The following SLC20A2 variants were observed in gnomAD, a reference collection of about 807,000 sequenced individuals.
The protein encoded by SLC20A2 is solute carrier family 20 member 2.
Under a neutral mutation model 61.0 loss-of-function variants are expected in SLC20A2, and 30 were observed. That is an observed-to-expected ratio of 0.49 (90% CI 0.37 to 0.67). The LOEUF (loss-of-function observed/expected upper bound fraction) is 0.67, where lower values mean the gene tolerates loss of function less well. Ranked by LOEUF, SLC20A2 falls within the 30% of genes least tolerant of loss-of-function variation. SLC20A2 has a pLI of 0.00. For missense variants in SLC20A2, 626 were observed against 866.4 expected (o/e 0.72, Z 3.48); for synonymous variants, 351 against 353.3 (o/e 0.99, Z 0.07).
chr8:42,533,922 C>A (rs1040753020), intron 1 of SLC20A2, among the ~76,000 whole-genome samples: 5 of 149,250 alleles, frequency 3.4e-5, no homozygotes, highest in African/African-American at 1.2e-4. Context: ...CCTCTCACGC[C>A]ACCATGCCCG....
chr8:42,467,179 T>G (rs895438504), intron 2 of SLC20A2, among the ~76,000 whole-genome samples: 1 of 152,184 alleles, frequency 6.6e-6, no homozygotes, highest in African/African-American at 2.4e-5. Context: ...TAACCCAAAT[T>G]TGGGCATCTG....
intron 1 of SLC20A2, among the ~76,000 whole-genome samples, chr8:42,475,818 G>C (rs961485563): frequency 6.6e-6 from 1 of 151,740 alleles, no homozygotes; most frequent in African/African-American, 2.4e-5. Flanking sequence ...ATGAGATGAG[G>C]CATCCGGGAC....
intron 5 of SLC20A2, among the ~76,000 whole-genome samples, chr8:42,447,862 C>G (rs993060526): frequency 1.4e-4 from 21 of 152,198 alleles, no homozygotes; most frequent in African/African-American, 4.6e-4. Flanking sequence ...TCCCATCCCC[C>G]TGACTACATC....
chr8:42,501,413 G>A (rs1350526671), upstream of SLC20A2: 3 of 152,238 alleles, frequency 2.0e-5, no homozygotes, highest in Non-Finnish European at 4.4e-5. Context: ...CTGACAAAGA[G>A]AAGGAGTAAG....
chr8:42,435,984 G>A (rs1804218075), intron 8 of SLC20A2, among the ~76,000 whole-genome samples: 1 of 152,046 alleles, frequency 6.6e-6, no homozygotes, highest in Non-Finnish European at 1.5e-5. Context: ...GGCCAGGTTG[G>A]GGAGCCTGTA....
chr8:42,507,282 C>T (rs930912647), intron 1 of SLC20A2, among the ~76,000 whole-genome samples: 8 of 151,942 alleles, frequency 5.3e-5, no homozygotes, highest in African/African-American at 1.9e-4. Flanking sequence ...TGATCCACAG[C>T]GATGCAGTCT....
intron 2 of SLC20A2, among the ~76,000 whole-genome samples, chr8:42,466,374 T>C (rs570109297): frequency 3.3e-5 from 5 of 152,228 alleles, no homozygotes; most frequent in Admixed American, 3.3e-4. Flanking sequence ...GCGTGAGGCA[T>C]TGTGTCCGGC....
intron 1 of SLC20A2, among the ~76,000 whole-genome samples, chr8:42,523,633 T>C (rs780526009): frequency 5.9e-5 from 9 of 152,248 alleles, no homozygotes; most frequent in Non-Finnish European, 7.3e-5. Flanking sequence ...GAATAAGCAC[T>C]GTCCATTCTG....
At position 42,516,485 on chromosome 8, in the gene SLC20A2, G is replaced by A. The variant is rs190477827; in HGVS notation, c.-265+25336C>T. Among the ~76,000 whole-genome samples, 100 of 152,284 alleles carry A rather than the reference G, an allele frequency of 6.6e-4. No individual in the cohort carries two copies. The Middle Eastern group carries it at 0.017, about 26-fold the overall frequency. ...GGGTTCCCCAACCTGGGAGGTCATTGCTCTCTAGGGCAGCGCATCCTATTG... is the reference window on the plus strand; with the variant it reads ...GGGTTCCCCAACCTGGGAGGTCATTACTCTCTAGGGCAGCGCATCCTATTG... On this transcript the variant is annotated intron_variant, in intron 1 of 10. Coordinates refer to the SLC20A2 transcript ENST00000342228.
chr8:42,486,711 C>G (rs958005549), intron 1 of SLC20A2, among the ~76,000 whole-genome samples: 1 of 152,184 alleles, frequency 6.6e-6, no homozygotes, highest in African/African-American at 2.4e-5. Context: ...AGTCACTTCT[C>G]TCTTGTGGGT....
At chr8:42,430,329 T>G in intron 8 of SLC20A2, 80 bp from the exon 9 acceptor site, 1 of 1,196,270 alleles carries the variant, frequency 8.4e-7, no homozygotes, top group Non-Finnish European at 1.2e-6. Flanking sequence ...TGTTTTATTG[T>G]GCTTCACTTT....
chr8:42,472,672 C>G lies in SLC20A2; in HGVS notation c.-264-18G>C, dbSNP rs950587841. 8.3e-6 allele frequency: 3 copies of G among 361,084 alleles called. No individual in the cohort carries two copies. The highest frequency in any genetic ancestry group is 6.2e-5 in the African/African-American group (3 of 48,416). The allele number at this position is 361,084 out of a possible 1,614,324, so 22.4% of individuals were successfully genotyped here. On this transcript the variant is annotated intron_variant, in intron 1 of 10. Transcript: ENST00000520262. This position sits in a 1 kb window ranked among gnomAD's most constrained non-coding sequence, Gnocchi z 4.1. ...GTCTCCTCCTGTAGCAGAAAGGAAACAAAAGAAATCAATTATACTCAGCAA... is the reference window on the plus strand; with the variant it reads ...GTCTCCTCCTGTAGCAGAAAGGAAAGAAAAGAAATCAATTATACTCAGCAA...
chr8:42,473,636 GATAC>G (rs1807827508), intron 1 of SLC20A2, among the ~76,000 whole-genome samples: 1 of 152,128 alleles, frequency 6.6e-6, no homozygotes, highest in Admixed American at 6.6e-5. Flanking sequence ...GATGCCATGA[GATAC>G]ATCCATGAAA....
chr8:42,523,367 T>G, intron 1 of SLC20A2, among the ~76,000 whole-genome samples: 1 of 152,024 alleles, frequency 6.6e-6, no homozygotes, highest in South Asian at 2.1e-4. Context: ...AATAAATAAA[T>G]AAATTGCATA....
Position 42,455,257 on chromosome 8 carries a change from T to TATAG in SLC20A2, c.613+4638_613+4639insCTAT, listed in dbSNP as rs1357416749. ...AAAAAAAAAAATATATATATATATA[T>TATAG]AGAGAGAGAGAGAGAGAGAGAGAGA... On this transcript the variant is annotated intron_variant, in intron 5 of 10. Coordinates refer to ENST00000520262, the MANE Select transcript of SLC20A2 (RefSeq NM_001257180.2). 9.1e-3 allele frequency among the ~76,000 whole-genome samples: 744 copies of TATAG among 81,582 alleles called. 5 individuals are homozygous for TATAG. The highest frequency in any genetic ancestry group is 0.011 in the African/African-American group (253 of 22,728). The allele number at this position is 81,582 out of a possible 152,430, so 53.5% of individuals were successfully genotyped here.
Position 42,437,191 on chromosome 8 carries a change from C to T in SLC20A2, c.1321G>A (p.Ala441Thr), listed in dbSNP as rs1477753053. ...TCCTCCGCCTCGATCTCCGCCTCTG[C>T]CACCGCGTTACAGTAGCTCGAGTAG... The part of the protein sequence containing the change: ...DSYSSYCNAV[A>T]EAEIEAEEGG... Residue 441 changes from alanine to threonine, a missense_variant, in exon 8 of 11, where the codon GCA becomes ACA. Transcript: ENST00000520262. The surrounding 1 kb of genome is among the most constrained non-coding windows in gnomAD (Gnocchi z 6.4). 1 of 1,613,496 alleles carries T rather than the reference C, an allele frequency of 6.2e-7. No homozygotes were observed. Among genetic ancestry groups the T allele is most frequent in the Non-Finnish European group, 8.5e-7 (1 of 1,180,026 alleles).
intron 8 of SLC20A2, among the ~76,000 whole-genome samples, chr8:42,431,034 G>A (rs533613784): frequency 1.6e-4 from 24 of 152,008 alleles, no homozygotes; most frequent in African/African-American, 1.5e-4. Context: ...ATAAATTACC[G>A]TACAGTGCCC....
intron 5 of SLC20A2, among the ~76,000 whole-genome samples, chr8:42,458,653 A>G (rs1806399225): frequency 6.6e-6 from 1 of 151,426 alleles, no homozygotes; most frequent in South Asian, 2.1e-4. Context: ...CATGCCTGTA[A>G]TCCCAGCACT....
chr8:42,476,013 T>A (rs1235582413), intron 1 of SLC20A2, among the ~76,000 whole-genome samples: 2 of 151,704 alleles, frequency 1.3e-5, no homozygotes, highest in African/African-American at 4.8e-5. Context: ...TTAGTTTTGC[T>A]TTTTGGGGCT....
Sources: allele counts gnomAD v4.1 joint callset (sites outside exome capture counted in the v4.1 genomes callset), GRCh38; gene constraint gnomAD v4.1.1; non-coding constraint Gnocchi (gnomAD v3.1); transcripts MANE v1.5; gene names NCBI Gene and HGNC (gene_info 2026-07-23, HGNC 2026-07-21).